The following CAST variants were observed in gnomAD, a reference collection of about 807,000 sequenced individuals.
CAST encodes the protein MIR583 host.
Under a neutral mutation model 119.6 loss-of-function variants are expected in CAST, and 76 were observed. That is an observed-to-expected ratio of 0.64 (90% confidence interval 0.53 to 0.77). The LOEUF is 0.77. Ranked by LOEUF, CAST falls within the 30% of genes least tolerant of loss-of-function variation. The probability of loss-of-function intolerance (pLI) is 0.00; values close to 1 mark genes in which losing one functional copy is unlikely to be tolerated. For synonymous variants in CAST, 319 were observed against 331.6 expected (o/e 0.96, Z 0.41); for missense variants, 953 against 946.5 (o/e 1.01, Z -0.09).
chr5:96,171,695 T>G, the CAST span, among the ~76,000 whole-genome samples: 243 of 152,238 alleles, frequency 1.6e-3, 1 homozygote, highest in African/African-American at 5.6e-3. Flanking sequence ...GAACTGAAAT[T>G]AAGAGAAGGC....
At chr5:96,648,680 CATT>C (rs1320098982) in intron 1 of CAST, among the ~76,000 whole-genome samples, 6 of 151,582 alleles carry the variant, frequency 4.0e-5, no homozygotes, top group Non-Finnish European at 5.9e-5. Flanking sequence ...AGTACCTCTG[CATT>C]GTGAAACTGG....
chr5:96,055,315 A>G, the CAST span, among the ~76,000 whole-genome samples: 1 of 152,166 alleles, frequency 6.6e-6, no homozygotes, highest in East Asian at 1.9e-4. Context: ...ACAAATTAAG[A>G]TGACATTATC....
At chr5:96,174,038 G>T in the CAST span, among the ~76,000 whole-genome samples, 7 of 152,092 alleles carry the variant, frequency 4.6e-5, no homozygotes, top group Non-Finnish European at 8.8e-5. Flanking sequence ...CACCGCGCCC[G>T]GCCTGAACTT....
the CAST span, among the ~76,000 whole-genome samples, chr5:96,160,135 G>A: frequency 6.6e-5 from 10 of 150,962 alleles, no homozygotes; most frequent in African/African-American, 2.0e-4. Flanking sequence ...AGCAAGACTC[G>A]TCGCAAAAGA....
chr5:96,688,073 A>G (rs1393500547), intron 2 of CAST, among the ~76,000 whole-genome samples: 1 of 152,240 alleles, frequency 6.6e-6, no homozygotes, highest in African/African-American at 2.4e-5. Context: ...AAAAGTAGGT[A>G]ATTCCTTGCT....
intron 11 of CAST, 147 bp downstream of exon 11, chr5:96,738,094 G>A: frequency 3.8e-6 from 2 of 522,262 alleles, no homozygotes; most frequent in South Asian, 2.3e-5. Context: ...GGCCGAGGCA[G>A]GCAGATTTCT....
intron 1 of CAST, among the ~76,000 whole-genome samples, chr5:96,596,908 A>T (rs1747059281): frequency 6.6e-6 from 1 of 152,216 alleles, no homozygotes; most frequent in African/African-American, 2.4e-5. Context: ...TTCTCTGAGC[A>T]TGTGAGGAGA....
chr5:96,557,510 A>C (rs1013055001), intron 1 of CAST, among the ~76,000 whole-genome samples: 5 of 152,062 alleles, frequency 3.3e-5, no homozygotes, highest in African/African-American at 1.2e-4. Flanking sequence ...GGGATGGAGA[A>C]AGATCTATCA....
the CAST span, chr5:96,432,037 G>T: frequency 7.3e-7 from 1 of 1,371,314 alleles, no homozygotes; most frequent in Non-Finnish European, 1.0e-6. Context: ...GCCTTCACTT[G>T]GACAGGCAAC....
At chr5:96,395,668 C>A in the CAST span, among the ~76,000 whole-genome samples, 1 of 152,196 alleles carries the variant, frequency 6.6e-6, no homozygotes, top group South Asian at 2.1e-4. Flanking sequence ...GGAGGGATAG[C>A]ATTAGGAGAA....
At chr5:96,661,419 G>GAAA (rs34922511), upstream of CAST, among the ~76,000 whole-genome samples, 2 of 88,400 alleles carry the variant, frequency 2.3e-5, no homozygotes, top group Non-Finnish European at 4.4e-5. Flanking sequence ...TGCCTCTCCA[G>GAAA]AAAAAAAAAA....
chr5:96,237,218 G>A, the CAST span, among the ~76,000 whole-genome samples: 85 of 152,146 alleles, frequency 5.6e-4, no homozygotes, highest in Non-Finnish European at 8.7e-4. Context: ...GCCCTAAAGA[G>A]GCTAATTCTG....
the CAST span, among the ~76,000 whole-genome samples, chr5:96,325,291 C>T: frequency 5.3e-5 from 8 of 152,014 alleles, no homozygotes; most frequent in African/African-American, 1.9e-4. Context: ...TAGAGAATTC[C>T]TATGCATGCT....
the CAST span, among the ~76,000 whole-genome samples, chr5:96,028,729 T>G: frequency 6.8e-4 from 103 of 152,182 alleles, no homozygotes; most frequent in African/African-American, 2.4e-3. Flanking sequence ...TAAGTAACAT[T>G]TATTTATGTT....
At chr5:96,572,412 G>A (rs1231117183) in intron 1 of CAST, among the ~76,000 whole-genome samples, 1 of 152,128 alleles carries the variant, frequency 6.6e-6, no homozygotes, top group Non-Finnish European at 1.5e-5. Flanking sequence ...TGTTGGCCAG[G>A]CTGGTCTCGA....
chr5:96,325,277 G>C, the CAST span, among the ~76,000 whole-genome samples: 5 of 152,112 alleles, frequency 3.3e-5, no homozygotes, highest in Admixed American at 2.0e-4. Context: ...TTAAAAAAGA[G>C]AGTTAGAGAA....
chr5:96,159,709 C>T, the CAST span, among the ~76,000 whole-genome samples: 1 of 152,094 alleles, frequency 6.6e-6, no homozygotes, highest in African/African-American at 2.4e-5. Flanking sequence ...AGATATACTT[C>T]ACTATTTTTG....
chr5:96,523,467 C>A (rs1328218485), upstream of CAST, among the ~76,000 whole-genome samples: 1 of 152,178 alleles, frequency 6.6e-6, no homozygotes, highest in African/African-American at 2.4e-5. Flanking sequence ...CAGACTCACC[C>A]CACTTGCCCC....
the CAST span, among the ~76,000 whole-genome samples, chr5:96,009,204 A>G: frequency 6.6e-6 from 1 of 152,166 alleles, no homozygotes; most frequent in Admixed American, 6.5e-5. Flanking sequence ...TCTCTATCCA[A>G]TCCACCACTG....
Sources: allele counts gnomAD v4.1 joint callset (sites outside exome capture counted in the v4.1 genomes callset), GRCh38; gene constraint gnomAD v4.1.1; transcripts MANE v1.5; gene names NCBI Gene and HGNC (gene_info 2026-07-23, HGNC 2026-07-21).